ZFPM2: variants seen among roughly 807,000 people sequenced by gnomAD.
The protein encoded by ZFPM2 is zinc finger protein, FOG family member 2, also known as zinc finger protein ZFPM2.
ZFPM2 carries 20 observed loss-of-function variants against 98.6 expected under a neutral mutation model. That is an observed-to-expected ratio of 0.20 (90% confidence interval 0.14 to 0.29). ZFPM2 has a LOEUF of 0.29. Ranked by LOEUF, ZFPM2 falls within the 10% of genes least tolerant of loss-of-function variation. ZFPM2 has a pLI of 1.00. For missense variants in ZFPM2, 1,310 were observed against 1,388.6 expected (o/e 0.94, Z 0.90); for synonymous variants, 518 against 502.7 (o/e 1.03, Z -0.41).
At chr8:105,713,054 A>C (rs1191786161) in intron 5 of ZFPM2, among the ~76,000 whole-genome samples, 1 of 152,082 alleles carries the variant, frequency 6.6e-6, no homozygotes, top group Non-Finnish European at 1.5e-5. Context: ...TATATCCAGT[A>C]ATAGGATTGC....
At chr8:105,741,103 A>T (rs142244805) in intron 5 of ZFPM2, among the ~76,000 whole-genome samples, 1 of 152,080 alleles carries the variant, frequency 6.6e-6, no homozygotes, top group African/African-American at 2.4e-5. Flanking sequence ...AGAGCAAAGA[A>T]AATTGAAGAG....
intron 5 of ZFPM2, among the ~76,000 whole-genome samples, chr8:105,760,396 T>C (rs1167230261): frequency 6.6e-6 from 1 of 152,088 alleles, no homozygotes. Context: ...CTTAACCAAC[T>C]CTGCACTTAA....
intron 5 of ZFPM2, among the ~76,000 whole-genome samples, chr8:105,650,684 G>T (rs1387812061): frequency 6.6e-6 from 1 of 152,190 alleles, no homozygotes; most frequent in Admixed American, 6.5e-5. Flanking sequence ...TAGTGGAGCG[G>T]TTTTTAGTGA....
At chr8:105,784,153 A>T (rs1813342679) in intron 5 of ZFPM2, among the ~76,000 whole-genome samples, 1 of 152,124 alleles carries the variant, frequency 6.6e-6, no homozygotes, top group Non-Finnish European at 1.5e-5. Context: ...ATGACTTAGC[A>T]TTTTCATGTG....
chr8:105,517,905 CTG>C (rs1403095149), intron 3 of ZFPM2, among the ~76,000 whole-genome samples: 1 of 152,090 alleles, frequency 6.6e-6, no homozygotes, highest in Non-Finnish European at 1.5e-5. Context: ...GAGGGAGACT[CTG>C]TCTCAAAGAA....
At chr8:105,492,311 T>C (rs114566648) in intron 3 of ZFPM2, among the ~76,000 whole-genome samples, 107 of 152,312 alleles carry the variant, frequency 7.0e-4, no homozygotes, top group African/African-American at 2.4e-3. Context: ...ATTACATATG[T>C]ATTTCTCCAA....
intron 5 of ZFPM2, among the ~76,000 whole-genome samples, chr8:105,783,414 G>T (rs1813318099): frequency 6.6e-6 from 1 of 151,768 alleles, no homozygotes; most frequent in African/African-American, 2.4e-5. Flanking sequence ...CACATAAGAT[G>T]TAGTATCTTA....
chr8:105,775,103 C>G (rs913146226), intron 5 of ZFPM2, among the ~76,000 whole-genome samples: 1 of 121,456 alleles, frequency 8.2e-6, no homozygotes, highest in African/African-American at 3.2e-5. Flanking sequence ...AAAAGCAAAA[C>G]AAGAGTAATA....
chr8:105,422,514 T>G (rs1811816824), intron 2 of ZFPM2, among the ~76,000 whole-genome samples: 1 of 152,154 alleles, frequency 6.6e-6, no homozygotes, highest in African/African-American at 2.4e-5. Flanking sequence ...GTTTAAATCA[T>G]TTATGACAAT....
chr8:105,758,642 T>C (rs1812664791), intron 5 of ZFPM2, among the ~76,000 whole-genome samples: 1 of 152,124 alleles, frequency 6.6e-6, no homozygotes, highest in South Asian at 2.1e-4. Flanking sequence ...AGGAGTCTTA[T>C]TGGGAAATTT....
At chr8:105,347,402 A>G (rs1285295309) in intron 1 of ZFPM2, among the ~76,000 whole-genome samples, 1 of 152,196 alleles carries the variant, frequency 6.6e-6, no homozygotes, top group Non-Finnish European at 1.5e-5. Flanking sequence ...TATGGAGTTA[A>G]TAAGATATAT....
chr8:105,318,446 A>G lies in ZFPM2; in HGVS notation c.-496A>G, dbSNP rs1811946950. On this transcript the variant is annotated 5_prime_UTR_variant, in exon 1 of 8. Coordinates refer to ENST00000407775, the MANE Select transcript of ZFPM2 (RefSeq NM_012082.4). ...TCGCCGCCTCCCGCCGCAGAACAGGAGCTGCGCGGCCCGGAGCGGCGGCGG... is the reference window on the plus strand; with the variant it reads ...TCGCCGCCTCCCGCCGCAGAACAGGGGCTGCGCGGCCCGGAGCGGCGGCGG... Among the ~76,000 whole-genome samples the G allele has an allele frequency of 6.6e-6, 1 of 150,502 alleles. No homozygotes were observed. The highest frequency in any genetic ancestry group is 1.5e-5 in the Non-Finnish European group (1 of 67,508).
At chr8:105,483,165 G>A (rs2130393467) in intron 3 of ZFPM2, among the ~76,000 whole-genome samples, 1 of 150,844 alleles carries the variant, frequency 6.6e-6, no homozygotes, top group East Asian at 1.9e-4. Flanking sequence ...ACAGCCTCCT[G>A]TAATTTCTTG....
At chr8:105,533,498 G>T (rs1814340889) in intron 3 of ZFPM2, among the ~76,000 whole-genome samples, 1 of 152,080 alleles carries the variant, frequency 6.6e-6, no homozygotes, top group African/African-American at 2.4e-5. Flanking sequence ...ACTATATAAA[G>T]AAAACATATA....
intron 1 of ZFPM2, among the ~76,000 whole-genome samples, chr8:105,355,392 C>T (rs1020516644): frequency 2.1e-4 from 32 of 152,098 alleles, no homozygotes; most frequent in African/African-American, 7.7e-4. Flanking sequence ...TCTTTTTTTG[C>T]TGGCTAATTA....
intron 1 of ZFPM2, among the ~76,000 whole-genome samples, chr8:105,352,274 T>C (rs888960259): frequency 3.3e-5 from 5 of 152,222 alleles, no homozygotes; most frequent in Non-Finnish European, 7.3e-5. Context: ...TAGAAACTTA[T>C]TTTGACAAGT....
At chr8:105,747,183 A>G (rs888341546) in intron 5 of ZFPM2, among the ~76,000 whole-genome samples, 3 of 152,118 alleles carry the variant, frequency 2.0e-5, no homozygotes, top group Non-Finnish European at 4.4e-5. Context: ...CATTTCCTTA[A>G]TGCACTTCAC....
At chr8:105,427,761 G>A (rs1811943901) in intron 2 of ZFPM2, among the ~76,000 whole-genome samples, 1 of 152,166 alleles carries the variant, frequency 6.6e-6, no homozygotes, top group African/African-American at 2.4e-5. Context: ...AACTGAATAT[G>A]TTGCACCAAT....
At chr8:105,419,116 G>C (rs752813569) in intron 1 of ZFPM2, 28 bp from the exon 2 acceptor site, 1 of 1,597,600 alleles carries the variant, frequency 6.3e-7, no homozygotes, top group Admixed American at 1.8e-5. Flanking sequence ...GCATATTTTT[G>C]GTACAGTTTC....
Sources: gnomAD v4.1 joint callset for allele counts (sites outside exome capture counted in the v4.1 genomes callset) on GRCh38, gnomAD v4.1.1 for gene constraint, MANE v1.5 for transcripts, NCBI Gene and HGNC (gene_info 2026-07-23, HGNC 2026-07-21) for gene names.